PLA2G4E: variants seen among roughly 807,000 people sequenced by gnomAD.
The protein encoded by PLA2G4E is phospholipase A2 group IVE.
A neutral mutation model predicts 109.1 loss-of-function variants in PLA2G4E; 84 were observed. The ratio of observed to expected loss-of-function variants is 0.77; its 90% CI spans 0.65 to 0.92. The LOEUF is 0.92. Among genes scored for constraint, PLA2G4E ranks in the 40% least tolerant of loss-of-function variants. The pLI is 0.00. For synonymous variants in PLA2G4E, 469 were observed against 436.1 expected, an observed-to-expected ratio of 1.08 and a Z score of -0.94; for missense variants, 1,057 against 1,076.6, an observed-to-expected ratio of 0.98 and a Z score of 0.25.
chr15:42,039,309 A>T (rs911216187), intron 1 of PLA2G4E, among the ~76,000 whole-genome samples: 2 of 152,254 alleles, frequency 1.3e-5, no homozygotes, highest in African/African-American at 4.8e-5. Context: ...TGAAAATCAC[A>T]TAATATGCTC....
intron 1 of PLA2G4E, among the ~76,000 whole-genome samples, chr15:42,048,501 A>G (rs1363966478): frequency 6.6e-6 from 1 of 152,202 alleles, no homozygotes; most frequent in Non-Finnish European, 1.5e-5. Context: ...TCTGTGTCCC[A>G]GTCATGTGGG....
chr15:41,984,345 C>T (rs2141019035), intron 19 of PLA2G4E, 91 bp downstream of exon 19: 1 of 1,367,366 alleles, frequency 7.3e-7, no homozygotes, highest in Non-Finnish European at 9.9e-7. Context: ...GCCAGGCTTC[C>T]CCGTTAGTGC....
chr15:42,050,598 T>C, exon 1 of PLA2G4E: 1 of 1,550,594 alleles, frequency 6.4e-7, no homozygotes, highest in Non-Finnish European at 8.7e-7. Context: ...TCGAACTCAC[T>C]GAAACTTCTT....
chr15:42,028,691 G>A (rs935519477), intron 1 of PLA2G4E, among the ~76,000 whole-genome samples: 3 of 152,140 alleles, frequency 2.0e-5, no homozygotes, highest in African/African-American at 7.2e-5. Flanking sequence ...ATAGGCATGA[G>A]CCACCGTGCC....
intron 2 of PLA2G4E, chr15:42,010,045 TG>T (rs2068516540): frequency 2.2e-6 from 1 of 464,450 alleles, no homozygotes; most frequent in Non-Finnish European, 4.4e-6. Flanking sequence ...CAGAGGTCAG[TG>T]TGTCTCATTG....
chr15:42,010,064 G>C (rs775271325), intron 2 of PLA2G4E: 3 of 488,858 alleles, frequency 6.1e-6, no homozygotes, highest in African/African-American at 6.0e-5. Context: ...TTGCTCTGCT[G>C]ATAGGGAGAC....
At chr15:42,007,968 G>C in intron 2 of PLA2G4E, 103 bp from the exon 3 acceptor site, 2 of 1,279,344 alleles carry the variant, frequency 1.6e-6, no homozygotes, top group Non-Finnish European at 2.2e-6. Flanking sequence ...CCCCATCTCA[G>C]CTCCAGTTCC....
intron 4 of PLA2G4E, 133 bp downstream of exon 4, chr15:42,005,857 A>T: frequency 8.8e-7 from 1 of 1,136,128 alleles, no homozygotes; most frequent in Non-Finnish European, 1.2e-6. Flanking sequence ...CTGGGATTTA[A>T]ACCAGCAGCA....
At chr15:42,028,781 A>AT (rs1303806004) in intron 1 of PLA2G4E, among the ~76,000 whole-genome samples, 2 of 152,200 alleles carry the variant, frequency 1.3e-5, no homozygotes, top group Non-Finnish European at 2.9e-5. Flanking sequence ...CCTAAAACAA[A>AT]TGTACAATGA....
At chr15:41,998,694 T>C (rs906582677) in intron 10 of PLA2G4E, 3 of 152,208 alleles carry the variant, frequency 2.0e-5, no homozygotes, top group Non-Finnish European at 2.9e-5. Flanking sequence ...TACCTAAAAA[T>C]TGATCATAGA....
rs553739584 is a variant in PLA2G4E at position 42,031,809 on chromosome 15, G to A, written c.184-18052C>T. ...GCCCTGCAGTAATTGAGCAAGGCTGGGTTTCTCCTAGTTCCACTGTCTTAA... is the reference window on the plus strand; with the variant it reads ...GCCCTGCAGTAATTGAGCAAGGCTGAGTTTCTCCTAGTTCCACTGTCTTAA... On this transcript the variant is annotated intron_variant, in intron 1 of 19. Transcript: ENST00000399518. 1.3e-3 allele frequency among the ~76,000 whole-genome samples: 194 copies of A among 152,274 alleles called. 1 individual carries two copies. The highest frequency in any genetic ancestry group is 4.6e-3 in the African/African-American group (190 of 41,546).
chr15:41,992,307 G>T (rs1180344453), intron 13 of PLA2G4E, among the ~76,000 whole-genome samples: 1 of 152,158 alleles, frequency 6.6e-6, no homozygotes, highest in Non-Finnish European at 1.5e-5. Context: ...GCCAGCTTTG[G>T]CTGGAGGACC....
chr15:41,998,410 T>G (rs533817398), intron 10 of PLA2G4E: 4 of 152,358 alleles, frequency 2.6e-5, no homozygotes, highest in Admixed American at 2.0e-4. Context: ...TCGCACGTGC[T>G]GTCTAGCTGG....
chr15:42,007,629 A>G (rs2068489539), intron 3 of PLA2G4E, 100 bp downstream of exon 3: 4 of 1,403,786 alleles, frequency 2.8e-6, no homozygotes, highest in Non-Finnish European at 3.9e-6. Flanking sequence ...AGAAAGGAAA[A>G]CAAAGAGGCA....
At chr15:42,041,599 G>A (rs72727711) in intron 1 of PLA2G4E, among the ~76,000 whole-genome samples, 13,253 of 152,280 alleles carry the variant, frequency 0.087, 601 homozygotes, top group South Asian at 0.13. Flanking sequence ...GAAGTCAGAT[G>A]ACAAGGAAGG....
At chr15:42,016,421 T>C (rs1012297585) in intron 1 of PLA2G4E, among the ~76,000 whole-genome samples, 1 of 151,968 alleles carries the variant, frequency 6.6e-6, no homozygotes, top group African/African-American at 2.4e-5. Context: ...CACTGCAACC[T>C]CTGCCTCCCA....
At chr15:42,023,250 A>C (rs922495391) in intron 1 of PLA2G4E, among the ~76,000 whole-genome samples, 1 of 151,868 alleles carries the variant, frequency 6.6e-6, no homozygotes, top group African/African-American at 2.4e-5. Context: ...AGGGCCAGGC[A>C]CATGAAGAGG....
intron 1 of PLA2G4E, among the ~76,000 whole-genome samples, chr15:42,046,183 C>G (rs1889412783): frequency 1.3e-5 from 2 of 152,220 alleles, no homozygotes; most frequent in South Asian, 4.1e-4. Context: ...CACTTCCCCT[C>G]TGGCCCCCAG....
At chr15:42,013,170 G>A (rs1483066660) in intron 2 of PLA2G4E, among the ~76,000 whole-genome samples, 1 of 152,216 alleles carries the variant, frequency 6.6e-6, no homozygotes, top group Non-Finnish European at 1.5e-5. Context: ...AGAACTGGGT[G>A]CTGTGGACTC....
Sources: gnomAD v4.1 joint callset for allele counts (sites outside exome capture counted in the v4.1 genomes callset) on GRCh38, gnomAD v4.1.1 for gene constraint, MANE v1.5 for transcripts, NCBI Gene and HGNC (gene_info 2026-07-23, HGNC 2026-07-21) for gene names.